EGFL6: variants seen among roughly 807,000 people sequenced by gnomAD.
EGFL6 encodes the protein EGF like domain multiple 6.
EGFL6 carries 42 observed loss-of-function variants against 43.1 expected under a neutral mutation model. The observed-to-expected ratio is 0.98, with a 90% CI of 0.76 to 1.26. EGFL6 has a LOEUF of 1.26. Ranked by LOEUF, EGFL6 falls within the 50% of genes most tolerant of loss-of-function variation. The pLI is 0.00. For missense variants in EGFL6, 429 were observed against 427.8 expected (o/e 1.00, Z -0.02); for synonymous variants, 164 against 163.2 (o/e 1.01, Z -0.04).
At chrX:13,612,209 T>G (rs1205237101) in intron 7 of EGFL6, among the ~76,000 whole-genome samples, 1 of 110,402 alleles carries the variant, frequency 9.1e-6, no homozygotes, top group African/African-American at 3.3e-5. Context: ...CCGCAGTGTT[T>G]GTGTCCCTGG....
intron 7 of EGFL6, among the ~76,000 whole-genome samples, chrX:13,612,596 G>A (rs913050113): frequency 8.2e-5 from 9 of 110,428 alleles, no homozygotes; most frequent in Non-Finnish European, 1.5e-4. Context: ...CGGGCAGAGG[G>A]GCTCCTCACT....
At position 13,627,942 on chromosome X, in the gene EGFL6, G is replaced by C. The variant is rs1341246206; in HGVS notation, c.1551+666G>C. On this transcript the variant is annotated intron_variant, in intron 11 of 11. Transcript: ENST00000361306. ...TTACAAAGTATTGCCCACCAGGGAA[G>C]CTCACCCAAACTTTCATGTCCAAGG... Among the ~76,000 whole-genome samples the C allele has an allele frequency of 6.3e-5, 7 of 111,742 alleles. No homozygotes were observed. The Admixed American group carries it at 6.6e-4, about 11-fold the overall frequency.
In EGFL6 at chrX:13,623,377, G is replaced by T. The variant is rs200418846; in HGVS notation, c.1184-447G>T. Among the ~76,000 whole-genome samples, 138 of 40,250 alleles carry T rather than the reference G, an allele frequency of 3.4e-3. 2 individuals are homozygous for T. Among genetic ancestry groups the T allele is most frequent in the East Asian group, 0.027 (21 of 771 alleles). 35.0% of individuals were successfully genotyped at this position (40,250 alleles called of 115,157 possible). A position where few individuals can be genotyped will look rare whatever the true frequency, so the allele number is the denominator to read the frequency against. Reference sequence around the variant, plus strand: ...AAAAAGGGTTTTTGTTTTATTTTGGGTTTTTTTTTTTTTTTTTTTTGAGAC... The same window carrying T: ...AAAAAGGGTTTTTGTTTTATTTTGGTTTTTTTTTTTTTTTTTTTTTGAGAC... On this transcript the variant is annotated intron_variant, in intron 9 of 11. Coordinates refer to ENST00000361306, the MANE Select transcript of EGFL6 (RefSeq NM_015507.4).
At chrX:13,615,707 T>C (rs2045714629) in intron 7 of EGFL6, among the ~76,000 whole-genome samples, 1 of 112,199 alleles carries the variant, frequency 8.9e-6, no homozygotes. Context: ...AAAAGAAAAA[T>C]GTTGCTCTTT....
intron 1 of EGFL6, among the ~76,000 whole-genome samples, chrX:13,571,954 G>C (rs1371201296): frequency 8.9e-6 from 1 of 112,267 alleles, no homozygotes; most frequent in Non-Finnish European, 1.9e-5. Flanking sequence ...CTGCTGTATA[G>C]AGATTTCCAG....
At chrX:13,589,773 G>T (rs774249927) in intron 2 of EGFL6, 105 bp downstream of exon 2, 1 of 586,156 alleles carries the variant, frequency 1.7e-6, no homozygotes, top group Non-Finnish European at 2.6e-6. Flanking sequence ...TCTCAGGCAA[G>T]GACATGCATA....
chrX:13,604,790 C>T (rs1439346026), intron 5 of EGFL6, among the ~76,000 whole-genome samples: 1 of 111,704 alleles, frequency 9.0e-6, no homozygotes, highest in African/African-American at 3.3e-5. Context: ...TGAAAGAGTT[C>T]TTAATCTGTG....
In EGFL6 at chrX:13,577,298, TTATATATATATA is replaced by T. The variant is rs1199851773; in HGVS notation, c.74+7396_74+7407del. Reference sequence around the variant, plus strand: ...ACATAATGTTATTTATATATGAATTTTATATATATATATATATATATATATATATATATATAT... The same window carrying T: ...ACATAATGTTATTTATATATGAATTTTATATATATATATATATATATATAT... On this transcript the variant is annotated intron_variant, in intron 1 of 11. Transcript: ENST00000361306. 5.3e-3 allele frequency among the ~76,000 whole-genome samples: 129 copies of T among 24,445 alleles called. 2 individuals carry two copies. The highest frequency in any genetic ancestry group is 0.018 in the African/African-American group (117 of 6,509). The allele number at this position is 24,445 out of a possible 115,157, so 21.2% of individuals were successfully genotyped here. A position where few individuals can be genotyped will look rare whatever the true frequency, so the allele number is the denominator to read the frequency against.
At chrX:13,600,753 A>AAAT (rs1555955941) in intron 4 of EGFL6, among the ~76,000 whole-genome samples, 53 of 105,911 alleles carry the variant, frequency 5.0e-4, no homozygotes, top group African/African-American at 1.2e-3. Context: ...AAAAAAAAAA[A>AAAT]TACAAAAATT....
intron 7 of EGFL6, among the ~76,000 whole-genome samples, chrX:13,616,943 C>G (rs764912616): frequency 9.4e-6 from 1 of 106,651 alleles, no homozygotes; most frequent in Admixed American, 1.0e-4. Flanking sequence ...AATCTCGGCT[C>G]ACTGCAAGCT....
chrX:13,627,351 T>A, intron 11 of EGFL6, 75 bp downstream of exon 11: 2 of 1,120,792 alleles, frequency 1.8e-6, no homozygotes, highest in Non-Finnish European at 2.4e-6. Context: ...ACAAAACATT[T>A]ACTGAAGTAT....
intron 2 of EGFL6, among the ~76,000 whole-genome samples, chrX:13,594,193 C>T (rs1204266306): frequency 4.5e-5 from 5 of 112,090 alleles, no homozygotes; most frequent in Non-Finnish European, 9.4e-5. Context: ...TTGCCCCCAA[C>T]TGAATCGGTT....
intron 3 of EGFL6, among the ~76,000 whole-genome samples, 156 bp downstream of exon 3, chrX:13,595,084 A>T (rs1161142713): frequency 1.8e-5 from 2 of 111,345 alleles, no homozygotes; most frequent in African/African-American, 3.3e-5. Flanking sequence ...TCTCCTTGAA[A>T]AATGTAAAAA....
chrX:13,620,865 A>G (rs1272576137), intron 9 of EGFL6, among the ~76,000 whole-genome samples: 3 of 111,553 alleles, frequency 2.7e-5, no homozygotes, highest in Admixed American at 1.9e-4. Flanking sequence ...TTTCTATTCC[A>G]TGATTCCTAA....
intron 7 of EGFL6, among the ~76,000 whole-genome samples, chrX:13,608,736 A>G (rs938391830): frequency 1.8e-5 from 2 of 112,716 alleles, no homozygotes; most frequent in Non-Finnish European, 3.7e-5. Flanking sequence ...TGAACATAAC[A>G]TTTAAGGACA....
chrX:13,596,650 C>A (rs745731688), intron 3 of EGFL6: 1 of 111,640 alleles, frequency 9.0e-6, no homozygotes, highest in Admixed American at 9.5e-5. Flanking sequence ...ATCCTCTCGC[C>A]TCAGACTCCT....
chrX:13,573,468 T>C (rs1046111099), intron 1 of EGFL6, among the ~76,000 whole-genome samples: 1 of 112,411 alleles, frequency 8.9e-6, no homozygotes, highest in African/African-American at 3.2e-5. Flanking sequence ...CTTATTTCAA[T>C]AGTTAGTTTC....
At position 13,596,869 on chromosome X, in the gene EGFL6, C is replaced by G. The variant is rs748200067; in HGVS notation, c.280+1941C>G. Among the ~76,000 whole-genome samples the G allele has an allele frequency of 7.1e-5, 8 of 112,169 alleles. No homozygotes were observed. The East Asian group carries it at 2.2e-3, about 31-fold the overall frequency. On this transcript the variant is annotated intron_variant, in intron 3 of 11. Transcript: ENST00000361306. ...ACCCACAACAAAGAATGATCAGACC[C>G]AAATGTCAGTAGTGCCAAGGCTGAA...
intron 8 of EGFL6, among the ~76,000 whole-genome samples, chrX:13,618,864 T>C (rs370554109): frequency 1.1e-3 from 113 of 100,772 alleles, no homozygotes; most frequent in African/African-American, 3.9e-3. Flanking sequence ...TCTGCCTTAA[T>C]AGAGAGTGAA....
Sources: allele counts gnomAD v4.1 joint callset (sites outside exome capture counted in the v4.1 genomes callset), GRCh38; gene constraint gnomAD v4.1.1; transcripts MANE v1.5; gene names NCBI Gene and HGNC (gene_info 2026-07-23, HGNC 2026-07-21).